RBFOX2: variants seen among roughly 807,000 people sequenced by gnomAD.
RBFOX2 encodes RNA binding fox-1 homolog 2.
In RBFOX2, 10 loss-of-function variants were observed where a neutral mutation model predicts 49.1. The ratio of observed to expected loss-of-function variants is 0.20; its 90% CI spans 0.13 to 0.35. The LOEUF (loss-of-function observed/expected upper bound fraction) is 0.35. Ranked by LOEUF, RBFOX2 falls within the 10% of genes least tolerant of loss-of-function variation. The pLI is 1.00. For synonymous variants in RBFOX2, 183 were observed against 187.4 expected (o/e 0.98, Z 0.19); for missense variants, 323 against 486.9 (o/e 0.66, Z 3.17).
At chr22:35,906,826 C>T (rs1041550702) in intron 1 of RBFOX2, among the ~76,000 whole-genome samples, 1 of 152,004 alleles carries the variant, frequency 6.6e-6, no homozygotes, top group African/African-American at 2.4e-5. Flanking sequence ...AACAAACAAA[C>T]AAACAAACAA....
At chr22:35,931,165 G>A (rs1420011998) in intron 1 of RBFOX2, among the ~76,000 whole-genome samples, 1 of 152,124 alleles carries the variant, frequency 6.6e-6, no homozygotes, top group African/African-American at 2.4e-5. Context: ...ACTATTGATG[G>A]GTGACCTGAG....
At chr22:35,769,290 T>C (rs1941972466) in intron 4 of RBFOX2, among the ~76,000 whole-genome samples, 1 of 152,146 alleles carries the variant, frequency 6.6e-6, no homozygotes, top group Non-Finnish European at 1.5e-5. Context: ...AAAACAGCAA[T>C]GCAGCTGGTA....
intron 1 of RBFOX2, among the ~76,000 whole-genome samples, chr22:36,011,757 G>A (rs2058831366): frequency 6.6e-6 from 1 of 152,010 alleles, no homozygotes; most frequent in African/African-American, 2.4e-5. Flanking sequence ...TTAAGAAAAT[G>A]TAAAAGGAAG....
intron 1 of RBFOX2, among the ~76,000 whole-genome samples, chr22:35,870,531 A>T (rs1220256960): frequency 1.3e-5 from 2 of 152,218 alleles, no homozygotes; most frequent in East Asian, 3.8e-4. Flanking sequence ...CAAAATACAC[A>T]GAAGTATACT....
In RBFOX2 at chr22:35,768,260, G is replaced by A. The variant is rs754807298; in HGVS notation, c.543C>T (p.Ile181=). ...TTGAATTATTAAAGACATGCACCTC[G>A]ATTTTACGGCCCTCTACCACGGTGC... The change falls in exon 5 of 12, where the codon ATC becomes ATT. Residue 181 remains isoleucine, a synonymous_variant. Coordinates refer to ENST00000405409, the Ensembl canonical transcript of RBFOX2. The A allele has an allele frequency of 6.2e-6, 10 of 1,613,290 alleles. No individual in the cohort carries two copies. The East Asian group carries it at 6.7e-5, about 11-fold the overall frequency.
intron 4 of RBFOX2, among the ~76,000 whole-genome samples, chr22:35,770,095 A>T (rs1942235310): frequency 6.6e-6 from 1 of 152,180 alleles, no homozygotes; most frequent in African/African-American, 2.4e-5. Context: ...AGCCACTTTG[A>T]CACCACAAGG....
upstream of RBFOX2, chr22:35,939,254 C>G (rs1464606544): frequency 2.0e-6 from 1 of 491,760 alleles, no homozygotes; most frequent in South Asian, 1.5e-5. Flanking sequence ...CCAACTCACA[C>G]TAAGCCGTTA....
chr22:35,913,326 A>G (rs1457328248), intron 1 of RBFOX2, among the ~76,000 whole-genome samples: 1 of 152,034 alleles, frequency 6.6e-6, no homozygotes, highest in Non-Finnish European at 1.5e-5. Context: ...TTTAAAAAGT[A>G]AAAAAAGTAA....
At chr22:36,020,318 C>T (rs1301133304) in intron 1 of RBFOX2, among the ~76,000 whole-genome samples, 1 of 152,108 alleles carries the variant, frequency 6.6e-6, no homozygotes, top group Non-Finnish European at 1.5e-5. Context: ...TAGGCAATAC[C>T]ATTCAGGACA....
chr22:36,020,820 T>C (rs981019310), intron 1 of RBFOX2, among the ~76,000 whole-genome samples: 1 of 152,088 alleles, frequency 6.6e-6, no homozygotes, highest in Non-Finnish European at 1.5e-5. Context: ...AGTTCAACCA[T>C]TGTGGAAGAC....
chr22:35,746,629 C>T (rs893823839), intron 9 of RBFOX2, 68 bp from the exon 12 acceptor site: 12 of 954,448 alleles, frequency 1.3e-5, no homozygotes, highest in South Asian at 2.1e-5. Context: ...AACACACACC[C>T]GCCCACACAC....
chr22:35,846,988 C>T (rs2041300310), intron 1 of RBFOX2, among the ~76,000 whole-genome samples: 1 of 152,184 alleles, frequency 6.6e-6, no homozygotes, highest in Non-Finnish European at 1.5e-5. Context: ...ATACCCTTAA[C>T]TTGCAACAAG....
At position 35,949,574 on chromosome 22, in the gene RBFOX2, GT is replaced by G. The variant is rs536734865; in HGVS notation, c.43-10678del. 1.5e-4 allele frequency among the ~76,000 whole-genome samples: 23 copies of G among 152,300 alleles called. 1 individual carries two copies. In the East Asian group the frequency reaches 4.2e-3, roughly 28 times the overall value. ...TATTCTTACTTACACTTGTTATTGT[GT>G]GTGTATTTTCATCCTAATGAGTGTG... On this transcript the variant is annotated intron_variant, in intron 1 of 5. Coordinates refer to the RBFOX2 transcript ENST00000408983.
chr22:35,898,064 C>T (rs544574016), intron 1 of RBFOX2: 1 of 730,600 alleles, frequency 1.4e-6, no homozygotes, highest in African/African-American at 1.7e-5. Flanking sequence ...CAGATAGAAT[C>T]TTTATCTCTC....
intron 1 of RBFOX2, among the ~76,000 whole-genome samples, chr22:35,816,949 G>A (rs1448276419): frequency 6.6e-6 from 1 of 152,064 alleles, no homozygotes; most frequent in East Asian, 1.9e-4. Flanking sequence ...ACCCATTCAG[G>A]GAACATATTT....
At chr22:35,921,525 C>T (rs910476067) in intron 1 of RBFOX2, among the ~76,000 whole-genome samples, 2 of 152,144 alleles carry the variant, frequency 1.3e-5, no homozygotes, top group Non-Finnish European at 2.9e-5. Context: ...ACATGTTATA[C>T]AGGTATGAAG....
upstream of RBFOX2, among the ~76,000 whole-genome samples, chr22:35,964,948 T>C (rs1371346511): frequency 1.3e-5 from 2 of 152,250 alleles, no homozygotes; most frequent in Admixed American, 1.3e-4. Context: ...GTTATTGTCT[T>C]TCAAATAATA....
chr22:35,974,636 G>A (rs563861057), intron 1 of RBFOX2, among the ~76,000 whole-genome samples: 10 of 152,182 alleles, frequency 6.6e-5, no homozygotes, highest in South Asian at 2.1e-4. Flanking sequence ...GTGGTGAGCC[G>A]AGATCGCACC....
intron 9 of RBFOX2, chr22:35,747,905 T>G (rs1479042802): frequency 1.3e-5 from 2 of 152,232 alleles, no homozygotes; most frequent in Non-Finnish European, 2.9e-5. Flanking sequence ...AATTTCAAAT[T>G]TACTTCTGTA....
Sources: allele counts gnomAD v4.1 joint callset (sites outside exome capture counted in the v4.1 genomes callset), GRCh38; gene constraint gnomAD v4.1.1; transcripts MANE v1.5; gene names NCBI Gene and HGNC (gene_info 2026-07-23, HGNC 2026-07-21).